The following PCDHGB1 variants were observed in gnomAD, a reference collection of about 807,000 sequenced individuals.
PCDHGB1 encodes the protein protocadherin gamma subfamily B, 1, also known as protocadherin gamma-B1.
A neutral mutation model predicts 56.6 loss-of-function variants in PCDHGB1; 34 were observed. That is an observed-to-expected ratio of 0.60 (90% CI 0.46 to 0.80). The LOEUF is 0.80. Among genes scored for constraint, PCDHGB1 ranks in the 30% least tolerant of loss-of-function variants. PCDHGB1 has a pLI of 0.00. For synonymous variants in PCDHGB1, 561 were observed against 505.9 expected (o/e 1.11, Z -1.46); for missense variants, 1,278 against 1,204.6 (o/e 1.06, Z -0.90).
chr5:141,362,735 TA>T lies in PCDHGB1; in HGVS notation c.2409+10067del, dbSNP rs1266066195. Reference sequence around the variant, plus strand: ...TTCTCTCTGAAGTGTGAGATTTATTTACCCATGATTGCAAACCTTTATCACA... The same window carrying T: ...TTCTCTCTGAAGTGTGAGATTTATTTCCCATGATTGCAAACCTTTATCACA... On this transcript the variant is annotated intron_variant, in intron 1 of 3. Transcript: ENST00000523390. The T allele has an allele frequency of 2.0e-5, 15 of 764,982 alleles. No homozygotes were observed. In the Admixed American group the frequency reaches 4.5e-4, roughly 23 times the overall value. The allele number at this position is 764,982 out of a possible 1,614,324, so 47.4% of individuals were successfully genotyped here.
rs2099749632 is a variant in PCDHGB1, at chr5:141,493,698, C to T, written c.2410-1109C>T. The stretch of plus-strand genomic sequence containing the variant: ...AGAATGGTGCTGGTGACTCCCGATA[C>T]ACCTGGAATGCTAGGTTTCTGGGTT... On this transcript the variant is annotated intron_variant, in intron 1 of 3. Transcript: ENST00000523390. This position sits in a 1 kb window ranked among gnomAD's most constrained non-coding sequence, Gnocchi z 4.3. Among the ~76,000 whole-genome samples the T allele has an allele frequency of 6.6e-6, 1 of 152,208 alleles. No individual in the cohort carries two copies. Among genetic ancestry groups the T allele is most frequent in the Non-Finnish European group, 1.5e-5 (1 of 68,034 alleles).
chr5:141,451,978 T>A (rs1329730658), intron 1 of PCDHGB1, among the ~76,000 whole-genome samples: 1 of 152,188 alleles, frequency 6.6e-6, no homozygotes, highest in Non-Finnish European at 1.5e-5. Flanking sequence ...TTTGCTGTAG[T>A]TTGTTCATTA....
At chr5:141,497,677 C>T in intron 2 of PCDHGB1, among the ~76,000 whole-genome samples, 1 of 151,836 alleles carries the variant, frequency 6.6e-6, no homozygotes, top group East Asian at 1.9e-4. Context: ...GTAGCTGGGA[C>T]AGCAGGTGTG....
intron 1 of PCDHGB1, chr5:141,371,564 C>T (rs1767846992): frequency 6.2e-7 from 1 of 1,613,818 alleles, no homozygotes; most frequent in Non-Finnish European, 8.5e-7. Context: ...AAGGAAACTT[C>T]CCCTTTAAAA....
intron 1 of PCDHGB1, chr5:141,371,745 G>A (rs767038146): frequency 2.5e-6 from 4 of 1,613,884 alleles, no homozygotes; most frequent in Middle Eastern, 1.6e-4. Flanking sequence ...CAACGTTCCC[G>A]TTTTCCACCA....
chr5:141,418,749 C>A, intron 1 of PCDHGB1: 1 of 1,613,866 alleles, frequency 6.2e-7, no homozygotes, highest in South Asian at 1.1e-5. Flanking sequence ...CTGGATTACA[C>A]TACAGGAAAC....
chr5:141,410,847 GTC>G (rs2095431261), intron 1 of PCDHGB1: 6 of 158,244 alleles, frequency 3.8e-5, no homozygotes, highest in Admixed American at 8.9e-5. Context: ...TTTTGTCTTT[GTC>G]TTTTTTTTTT....
At chr5:141,426,033 C>G (rs978171140) in intron 1 of PCDHGB1, among the ~76,000 whole-genome samples, 14 of 152,162 alleles carry the variant, frequency 9.2e-5, no homozygotes, top group African/African-American at 3.1e-4. Context: ...AGACTCAGAG[C>G]CCTGCTGTTG....
At chr5:141,372,155 G>T in intron 1 of PCDHGB1, 1 of 1,613,796 alleles carries the variant, frequency 6.2e-7, no homozygotes, top group Non-Finnish European at 8.5e-7. Flanking sequence ...CTGGCTACCT[G>T]GTGACCAAGG....
chr5:141,493,641 G>A lies in PCDHGB1; in HGVS notation c.2410-1166G>A, dbSNP rs547664603. Among the ~76,000 whole-genome samples, 2 of 152,240 alleles carry A rather than the reference G, an allele frequency of 1.3e-5. No individual in the cohort carries two copies. The highest frequency in any genetic ancestry group is 3.9e-4 in the East Asian group (2 of 5,172). On this transcript the variant is annotated intron_variant, in intron 1 of 3. Coordinates refer to ENST00000523390, the MANE Select transcript of PCDHGB1 (RefSeq NM_018922.3). The surrounding 1 kb of genome is among the most constrained non-coding windows in gnomAD (Gnocchi z 4.3). The stretch of plus-strand genomic sequence containing the variant: ...CTAAGAATACAGTGGCTGAGGGCTG[G>A]CCATCCCTGTGCCCTTCTCCATGGC...
rs2099425622 is a variant in PCDHGB1, at chr5:141,477,947, T to C, written c.2410-16860T>C. Reference sequence around the variant, plus strand: ...CAATGCCTGGCTCTCCTACAGTCTCTTGGGATCCCCTAACCAGAGCCTTTT... The same window carrying C: ...CAATGCCTGGCTCTCCTACAGTCTCCTGGGATCCCCTAACCAGAGCCTTTT... On this transcript the variant is annotated intron_variant, in intron 1 of 3. Coordinates refer to ENST00000523390, the MANE Select transcript of PCDHGB1 (RefSeq NM_018922.3). The surrounding 1 kb of genome is among the most constrained non-coding windows in gnomAD (Gnocchi z 4.9). 1.9e-6 allele frequency: 3 copies of C among 1,614,132 alleles called. No homozygotes were observed. Among genetic ancestry groups the C allele is most frequent in the Non-Finnish European group, 2.5e-6 (3 of 1,180,018 alleles).
intron 1 of PCDHGB1, chr5:141,355,285 G>A: frequency 2.5e-6 from 4 of 1,613,814 alleles, no homozygotes; most frequent in Non-Finnish European, 3.4e-6. Context: ...AATCAGGGCC[G>A]AACAGATTCT....
At chr5:141,471,361 CT>C (rs2099255928) in intron 1 of PCDHGB1, 1 of 151,976 alleles carries the variant, frequency 6.6e-6, no homozygotes, top group Non-Finnish European at 1.5e-5. Flanking sequence ...TCCAAGCCCC[CT>C]ATTTTTATTT....
chr5:141,474,499 C>T (rs1480109147), intron 1 of PCDHGB1, among the ~76,000 whole-genome samples: 1 of 152,198 alleles, frequency 6.6e-6, no homozygotes, highest in Non-Finnish European at 1.5e-5. Context: ...TCTTCTAATG[C>T]CTATCAGCCC....
intron 1 of PCDHGB1, chr5:141,377,764 T>C (rs1774337022): frequency 6.6e-6 from 1 of 152,240 alleles, no homozygotes; most frequent in Non-Finnish European, 1.5e-5. Context: ...CACCAGATCT[T>C]TGGTGTTAAA....
intron 1 of PCDHGB1, chr5:141,422,545 T>C: frequency 6.2e-7 from 1 of 1,614,000 alleles, no homozygotes; most frequent in Non-Finnish European, 8.5e-7. Context: ...AACTCATGTC[T>C]GGCTGAATGT....
In PCDHGB1 at chr5:141,493,079, G is replaced by A. The variant is rs1299289839; in HGVS notation, c.2410-1728G>A. 6.6e-6 allele frequency among the ~76,000 whole-genome samples: 1 copy of A among 152,204 alleles called. No homozygotes were observed. Among genetic ancestry groups the A allele is most frequent in the East Asian group, 1.9e-4 (1 of 5,196 alleles). Reference sequence around the variant, plus strand: ...AAAAACACAAGTTTCTCCAACTCCAGGAGCTTTTATTCAAAATATATCAAT... The same window carrying A: ...AAAAACACAAGTTTCTCCAACTCCAAGAGCTTTTATTCAAAATATATCAAT... On this transcript the variant is annotated intron_variant, in intron 1 of 3. Transcript: ENST00000523390. The surrounding 1 kb of genome is among the most constrained non-coding windows in gnomAD (Gnocchi z 4.3).
At chr5:141,420,551 ATTTTTACGGCATGGT>A (rs2096505176) in intron 1 of PCDHGB1, 3 of 266,550 alleles carry the variant, frequency 1.1e-5, no homozygotes, top group Admixed American at 5.1e-5. Context: ...ATACAGGTAT[ATTTTTACGGCATGGT>A]ATTTTAATTG....
At chr5:141,402,820 C>G (rs1351401631) in intron 1 of PCDHGB1, 2 of 1,288,046 alleles carry the variant, frequency 1.6e-6, no homozygotes, top group Admixed American at 5.9e-5. Flanking sequence ...CACAAACCTG[C>G]TCCCAGGCTG....
Sources: gnomAD v4.1 joint callset for allele counts (sites outside exome capture counted in the v4.1 genomes callset) on GRCh38, gnomAD v4.1.1 for gene constraint, Gnocchi (gnomAD v3.1) non-coding constraint, MANE v1.5 for transcripts, NCBI Gene and HGNC (gene_info 2026-07-23, HGNC 2026-07-21) for gene names.